Variants in LRMDA observed in about 807,000 individuals in gnomAD.
LRMDA encodes leucine-rich melanocyte differentiation-associated protein.
A neutral mutation model predicts 29.8 loss-of-function variants in LRMDA; 18 were observed. The ratio of observed to expected loss-of-function variants is 0.60; its 90% CI spans 0.42 to 0.90. LRMDA has a LOEUF of 0.90. LRMDA is among the 40% of genes least tolerant of loss of function. LRMDA has a pLI of 0.00. For synonymous variants in LRMDA, 125 were observed against 109.4 expected, an observed-to-expected ratio of 1.14 and a Z score of -0.89; for missense variants, 273 against 273.9, an observed-to-expected ratio of 1.00 and a Z score of 0.02.
chr10:75,700,256 GTTTT>G (rs34497500), intron 2 of LRMDA, among the ~76,000 whole-genome samples: 2 of 140,582 alleles, frequency 1.4e-5, no homozygotes, highest in South Asian at 2.2e-4. Context: ...CTTTGTGTGA[GTTTT>G]TTTTTTTTTT....
At chr10:76,524,824 G>T (rs1273013613) in intron 6 of LRMDA, among the ~76,000 whole-genome samples, 1 of 152,200 alleles carries the variant, frequency 6.6e-6, no homozygotes, top group Non-Finnish European at 1.5e-5. Flanking sequence ...ACACAGGAGA[G>T]CAATGGCTTC....
intron 2 of LRMDA, among the ~76,000 whole-genome samples, chr10:75,856,581 CCAT>C (rs1844830851): frequency 6.6e-6 from 1 of 152,230 alleles, no homozygotes; most frequent in South Asian, 2.1e-4. Flanking sequence ...ATGACAAACA[CCAT>C]ATGATTATCC....
intron 5 of LRMDA, among the ~76,000 whole-genome samples, chr10:76,187,555 A>G (rs547495635): frequency 6.6e-6 from 1 of 152,370 alleles, no homozygotes; most frequent in South Asian, 2.1e-4. Context: ...CTCATCAGTA[A>G]AATGGGGATT....
intron 6 of LRMDA, among the ~76,000 whole-genome samples, chr10:76,489,509 A>G (rs183446185): frequency 2.6e-5 from 4 of 151,510 alleles, no homozygotes; most frequent in Admixed American, 2.6e-4. Context: ...TTTCAATTTT[A>G]TTTATTTCTG....
At chr10:76,025,163 C>A (rs1044837059) in intron 2 of LRMDA, among the ~76,000 whole-genome samples, 7 of 151,734 alleles carry the variant, frequency 4.6e-5, no homozygotes, top group African/African-American at 1.7e-4. Flanking sequence ...GAGACATAGT[C>A]AAAGCCCAGG....
intron 2 of LRMDA, among the ~76,000 whole-genome samples, chr10:75,910,539 A>G (rs1460046362): frequency 6.6e-6 from 1 of 152,192 alleles, no homozygotes; most frequent in Non-Finnish European, 1.5e-5. Context: ...AATGAAATGT[A>G]ACATACACTC....
In LRMDA at chr10:76,365,107, T is replaced by TATATATATATATATATACACAC. The variant is rs141131236; in HGVS notation, c.601+40623_601+40624insTATATATATATATATACACACA. ...ACACATATATATATATATATATATA[T>TATATATATATATATATACACAC]ACACACACACACATACACACCACAG... On this transcript the variant is annotated intron_variant, in intron 6 of 6. Transcript: ENST00000611255. Among the ~76,000 whole-genome samples the TATATATATATATATATACACAC allele has an allele frequency of 8.9e-3, 543 of 61,078 alleles. 8 individuals are homozygous for TATATATATATATATATACACAC. Among genetic ancestry groups the TATATATATATATATATACACAC allele is most frequent in the African/African-American group, 0.014 (309 of 21,436 alleles). 40.1% of individuals were successfully genotyped at this position (61,078 alleles called of 152,430 possible). A position where few individuals can be genotyped will look rare whatever the true frequency, so the allele number is the denominator to read the frequency against.
At chr10:76,374,284 T>A (rs1841489412) in intron 6 of LRMDA, among the ~76,000 whole-genome samples, 1 of 152,212 alleles carries the variant, frequency 6.6e-6, no homozygotes, top group South Asian at 2.1e-4. Flanking sequence ...TTTAACTTTA[T>A]GAATATTGTG....
intron 6 of LRMDA, among the ~76,000 whole-genome samples, chr10:76,424,790 T>C (rs1434518087): frequency 1.3e-5 from 2 of 152,200 alleles, no homozygotes; most frequent in Non-Finnish European, 2.9e-5. Flanking sequence ...GTTTGTTGAT[T>C]AGGCAAAACA....
At position 76,015,134 on chromosome 10, in the gene LRMDA, T is replaced by C. The variant is rs564243171; in HGVS notation, c.132-20874T>C. 2.6e-5 allele frequency among the ~76,000 whole-genome samples: 4 copies of C among 152,352 alleles called. No homozygotes were observed. In the East Asian group the frequency reaches 7.7e-4, roughly 29 times the overall value. ...GGACTTGGTTGGAAGATTGAAGAAA[T>C]AGATGCCCCGGCACTTTGCCAGGTG... On this transcript the variant is annotated intron_variant, in intron 2 of 6. Coordinates refer to ENST00000611255, the MANE Select transcript of LRMDA (RefSeq NM_001305581.2).
At chr10:75,722,364 TA>T in intron 2 of LRMDA, among the ~76,000 whole-genome samples, 1 of 152,238 alleles carries the variant, frequency 6.6e-6, no homozygotes, top group South Asian at 2.1e-4. Context: ...TTTCAGATGC[TA>T]AAAAAGTAAG....
intron 2 of LRMDA, among the ~76,000 whole-genome samples, chr10:75,999,625 C>T (rs754340314): frequency 6.6e-6 from 1 of 152,208 alleles, no homozygotes; most frequent in Non-Finnish European, 1.5e-5. Context: ...CAAGAACAGG[C>T]GCTGCTTCAG....
chr10:75,881,951 T>G (rs907389770), intron 2 of LRMDA, among the ~76,000 whole-genome samples: 1 of 152,212 alleles, frequency 6.6e-6, no homozygotes, highest in Non-Finnish European at 1.5e-5. Context: ...GGATATGGTG[T>G]TGTGGTGGGA....
At chr10:76,444,042 G>A (rs914760487) in intron 6 of LRMDA, among the ~76,000 whole-genome samples, 1 of 152,080 alleles carries the variant, frequency 6.6e-6, no homozygotes, top group African/African-American at 2.4e-5. Flanking sequence ...ACTACAGAAT[G>A]GATAGGTCTT....
intron 6 of LRMDA, among the ~76,000 whole-genome samples, chr10:76,392,924 G>A (rs1233522244): frequency 1.3e-5 from 2 of 152,082 alleles, no homozygotes; most frequent in East Asian, 3.9e-4. Context: ...CCACATATAA[G>A]TGAGATCATG....
At chr10:75,829,315 T>C (rs1844299141) in intron 2 of LRMDA, among the ~76,000 whole-genome samples, 1 of 152,024 alleles carries the variant, frequency 6.6e-6, no homozygotes, top group Admixed American at 6.6e-5. Flanking sequence ...GTTGAACCCT[T>C]CCACTAGTAA....
At chr10:75,834,039 A>G (rs1844391937) in intron 2 of LRMDA, among the ~76,000 whole-genome samples, 1 of 152,176 alleles carries the variant, frequency 6.6e-6, no homozygotes, top group Admixed American at 6.5e-5. Context: ...TCGTGAAGGT[A>G]GGATGTGTTT....
chr10:75,653,048 G>A (rs780643298), intron 2 of LRMDA, among the ~76,000 whole-genome samples: 3 of 152,152 alleles, frequency 2.0e-5, no homozygotes, highest in Non-Finnish European at 2.9e-5. Flanking sequence ...AAATAAGGTG[G>A]TCACATTAGG....
intron 5 of LRMDA, among the ~76,000 whole-genome samples, chr10:76,287,775 A>T (rs7093382): frequency 6.6e-6 from 1 of 152,210 alleles, no homozygotes. Flanking sequence ...CTGTAAAAAG[A>T]CCAGCAAACA....
Sources: gnomAD v4.1 joint callset for allele counts (sites outside exome capture counted in the v4.1 genomes callset) on GRCh38, gnomAD v4.1.1 for gene constraint, MANE v1.5 for transcripts, NCBI Gene and HGNC (gene_info 2026-07-23, HGNC 2026-07-21) for gene names.